DYM: variants seen among roughly 807,000 people sequenced by gnomAD.
DYM encodes dyggve-Melchior-Clausen syndrome protein.
A neutral mutation model predicts 93.1 loss-of-function variants in DYM; 78 were observed. That is an observed-to-expected ratio of 0.84 (90% confidence interval 0.70 to 1.01). The LOEUF is 1.01. Among genes scored for constraint, DYM ranks in the 50% least tolerant of loss-of-function variants. DYM has a pLI of 0.00. For missense variants in DYM, 789 were observed against 845.0 expected (o/e 0.93, Z 0.82); for synonymous variants, 321 against 319.7 (o/e 1.00, Z -0.04).
intron 16 of DYM, among the ~76,000 whole-genome samples, chr18:49,103,822 G>C (rs898925829): frequency 9.9e-5 from 15 of 152,064 alleles, no homozygotes; most frequent in Admixed American, 9.2e-4. Flanking sequence ...TAGCCTTGTA[G>C]TATAGTTTGA....
intron 13 of DYM, among the ~76,000 whole-genome samples, chr18:49,237,364 A>G (rs1227727375): frequency 6.6e-6 from 1 of 152,236 alleles, no homozygotes; most frequent in South Asian, 2.1e-4. Context: ...TTGAGGCCAT[A>G]TATCTTTCAA....
At chr18:49,328,983 CAT>C (rs1366020716) in intron 8 of DYM, among the ~76,000 whole-genome samples, 2 of 152,030 alleles carry the variant, frequency 1.3e-5, no homozygotes, top group Non-Finnish European at 2.9e-5. Context: ...CACACACACA[CAT>C]ATGTTTATTG....
chr18:49,101,863 T>TA, intron 16 of DYM, among the ~76,000 whole-genome samples: 1 of 152,286 alleles, frequency 6.6e-6, no homozygotes, highest in East Asian at 1.9e-4. Context: ...ATTTGTGAGA[T>TA]AAGACAGATC....
chr18:49,217,291 A>C (rs1251421255), intron 13 of DYM, among the ~76,000 whole-genome samples: 4 of 152,232 alleles, frequency 2.6e-5, no homozygotes, highest in African/African-American at 9.6e-5. Context: ...GTGTACCTGA[A>C]AGTGACGGGG....
chr18:49,249,663 A>G (rs1236048868), intron 13 of DYM, among the ~76,000 whole-genome samples: 1 of 151,798 alleles, frequency 6.6e-6, no homozygotes, highest in Non-Finnish European at 1.5e-5. Flanking sequence ...TCTGTTTTGT[A>G]GTCTTCAAAA....
chr18:49,332,747 T>C (rs2063399529), intron 7 of DYM, among the ~76,000 whole-genome samples: 1 of 152,174 alleles, frequency 6.6e-6, no homozygotes, highest in Non-Finnish European at 1.5e-5. Flanking sequence ...AATGATACTA[T>C]AAAAACCTTA....
intron 2 of DYM, among the ~76,000 whole-genome samples, chr18:49,421,842 G>C (rs1158321204): frequency 1.3e-5 from 2 of 152,190 alleles, no homozygotes; most frequent in African/African-American, 4.8e-5. Flanking sequence ...CATGGCACAA[G>C]AACTACGGGA....
At chr18:49,115,371 A>G (rs2081836267) in intron 16 of DYM, among the ~76,000 whole-genome samples, 1 of 152,248 alleles carries the variant, frequency 6.6e-6, no homozygotes, top group Non-Finnish European at 1.5e-5. Context: ...ATTGCCTATC[A>G]CAATGAAAGG....
At chr18:49,279,370 T>G (rs762678785) in intron 10 of DYM, among the ~76,000 whole-genome samples, 2 of 152,174 alleles carry the variant, frequency 1.3e-5, no homozygotes, top group African/African-American at 4.8e-5. Context: ...AATAAAAGAA[T>G]TGATAACTAC....
chr18:49,149,355 C>T (rs1281803473), intron 15 of DYM, among the ~76,000 whole-genome samples: 1 of 152,062 alleles, frequency 6.6e-6, no homozygotes, highest in African/African-American at 2.4e-5. Flanking sequence ...AAAGCTCATT[C>T]CCTCTCCTGC....
At chr18:49,445,589 A>G (rs543078443) in intron 1 of DYM, among the ~76,000 whole-genome samples, 1 of 152,342 alleles carries the variant, frequency 6.6e-6, no homozygotes, top group South Asian at 2.1e-4. Context: ...GAAGATTTTA[A>G]TATATTAATA....
chr18:49,166,918 T>C lies in DYM; in HGVS notation c.1626-3131A>G, dbSNP rs1305440257. Among the ~76,000 whole-genome samples the C allele has an allele frequency of 4.6e-5, 7 of 151,680 alleles. No individual in the cohort carries two copies. The East Asian group carries it at 7.8e-4, about 17-fold the overall frequency. The stretch of plus-strand genomic sequence containing the variant: ...AAGCACAGCAGCATACTTTGCTTAG[T>C]TGAAGAAAAAATAAGAACTCAGGAG... On this transcript the variant is annotated intron_variant, in intron 14 of 17. Transcript: ENST00000675505.
intron 2 of DYM, among the ~76,000 whole-genome samples, chr18:49,395,663 G>C (rs571198705): frequency 6.6e-6 from 1 of 151,124 alleles, no homozygotes; most frequent in African/African-American, 2.4e-5. Context: ...AATGGCAATA[G>C]GTATATGAAA....
At chr18:49,296,096 T>G (rs1028912191) in intron 8 of DYM, among the ~76,000 whole-genome samples, 1 of 152,114 alleles carries the variant, frequency 6.6e-6, no homozygotes, top group African/African-American at 2.4e-5. Flanking sequence ...ACCCAGCTAA[T>G]TTTTGTATTT....
At chr18:49,186,773 C>G (rs1311422807) in intron 14 of DYM, among the ~76,000 whole-genome samples, 1 of 151,988 alleles carries the variant, frequency 6.6e-6, no homozygotes, top group Non-Finnish European at 1.5e-5. Flanking sequence ...TATCTAGTAA[C>G]CAAAAATGCA....
chr18:49,186,121 T>C (rs1299162417), intron 14 of DYM, among the ~76,000 whole-genome samples: 3 of 152,192 alleles, frequency 2.0e-5, no homozygotes, highest in Non-Finnish European at 2.9e-5. Flanking sequence ...CACTAAATAG[T>C]ATCCCTTTCA....
At chr18:49,063,805 T>A (rs924719775) in intron 17 of DYM, among the ~76,000 whole-genome samples, 3 of 152,028 alleles carry the variant, frequency 2.0e-5, no homozygotes, top group Non-Finnish European at 2.9e-5. Context: ...TTTTTTGTAT[T>A]TTTTGTAGAG....
At position 49,436,238 on chromosome 18, in the gene DYM, T is replaced by A. The variant is rs138883664; in HGVS notation, c.-53-5791A>T. ...GCTATGTTGCTGAGGCTAATCTCAA[T>A]CTCCTGGCCTCAAGAGACCCTCTTG... On this transcript the variant is annotated intron_variant, in intron 1 of 17. Coordinates refer to ENST00000675505, the MANE Select transcript of DYM (RefSeq NM_001353214.3). Among the ~76,000 whole-genome samples the A allele has an allele frequency of 2.2e-4, 33 of 152,280 alleles. No homozygotes were observed. The East Asian group carries it at 6.2e-3, about 28-fold the overall frequency.
chr18:49,341,186 T>G (rs2064089872), intron 6 of DYM, among the ~76,000 whole-genome samples: 1 of 152,102 alleles, frequency 6.6e-6, no homozygotes, highest in South Asian at 2.1e-4. Context: ...ACAGATAAAT[T>G]ATACTATGAC....
Sources: allele counts gnomAD v4.1 joint callset (sites outside exome capture counted in the v4.1 genomes callset), GRCh38; gene constraint gnomAD v4.1.1; transcripts MANE v1.5; gene names NCBI Gene and HGNC (gene_info 2026-07-23, HGNC 2026-07-21).